The following FN1 variants were observed in gnomAD, a reference collection of about 807,000 sequenced individuals.
FN1 encodes the protein fibronectin.
In FN1, 106 loss-of-function variants were observed where a neutral mutation model predicts 297.3. That is an observed-to-expected ratio of 0.36 (90% CI 0.30 to 0.42). FN1 has a LOEUF of 0.42. Among genes scored for constraint, FN1 ranks in the 10% least tolerant of loss-of-function variants. FN1 has a pLI of 1.00. For synonymous variants in FN1, 1,149 were observed against 1,152.6 expected, an observed-to-expected ratio of 1.00 and a Z score of 0.06; for missense variants, 2,690 against 3,124.9, an observed-to-expected ratio of 0.86 and a Z score of 3.32.
intron 41 of FN1, 141 bp from the exon 42 acceptor site, chr2:215,368,168 A>G (rs185987907): frequency 1.1e-5 from 10 of 923,886 alleles, no homozygotes; most frequent in African/African-American, 4.9e-5. Context: ...CATCTGTTCT[A>G]TCAAGGCATT....
chr2:215,365,634 T>C lies in FN1; in HGVS notation c.7019-4A>G. 1 of 1,613,882 alleles carries C rather than the reference T, an allele frequency of 6.2e-7. No individual in the cohort carries two copies. The highest frequency in any genetic ancestry group is 8.5e-7 in the Non-Finnish European group (1 of 1,179,888). On this transcript the variant is annotated splice_region_variant and splice_polypyrimidine_tract_variant and intron_variant, in intron 42 of 45. Transcript: ENST00000354785. Reference sequence around the variant, plus strand: ...ACACCATTGTCATGGCACCATCCTGTAGGGGTGGGGAAAGTCAGGACCAAA... The same window carrying C: ...ACACCATTGTCATGGCACCATCCTGCAGGGGTGGGGAAAGTCAGGACCAAA...
At position 215,433,422 on chromosome 2, in the gene FN1, T is replaced by A; in HGVS notation, c.317A>T (p.Tyr106Phe). The A allele has an allele frequency of 1.2e-6, 2 of 1,614,134 alleles. No homozygotes were observed. Among genetic ancestry groups the A allele is most frequent in the Non-Finnish European group, 1.7e-6 (2 of 1,180,012 alleles). The change falls in exon 3 of 46, where the codon TAC becomes TTC. Residue 106 changes from tyrosine (Y) to phenylalanine (F), a missense_variant. Tyr to Phe is a conservative substitution (Grantham distance 22). This residue lies in a region of FN1 where 876 missense variants were observed against 1,058.1 expected (regional missense o/e 0.83). Coordinates refer to ENST00000354785, the MANE Select transcript of FN1 (RefSeq NM_212482.4). ...ACGCTCATAAGTGTCACCCACTCGGTAAGTGTTCCCAGTGTACTTGTCAAA... is the reference window on the plus strand; with the variant it reads ...ACGCTCATAAGTGTCACCCACTCGGAAAGTGTTCCCAGTGTACTTGTCAAA... The part of the protein sequence containing the change: ...TCFDKYTGNT[Y>F]RVGDTYERPK...
rs375548740 is a variant in FN1, at chr2:215,420,699, C to T, written c.1649G>A (p.Arg550Gln). Residue 550 changes from arginine (R) to glutamine (Q), a missense_variant, in exon 11 of 46, where the codon CGG (arginine) becomes CAG (glutamine). Arg to Gln is a conservative substitution (Grantham distance 43, BLOSUM62 1). This residue lies in a region of FN1 where 876 missense variants were observed against 1,058.1 expected (regional missense o/e 0.83). Transcript: ENST00000354785. ...MLNCTCFGQGRGRWKCDPVDQ... is the reference protein window; with the variant it reads ...MLNCTCFGQGQGRWKCDPVDQ... ...GACGGGATCACACTTCCACCTGCCC[C>T]GACCCTGACCGAAGCATGTACAGTT... 28 of 1,614,008 alleles carry T rather than the reference C, an allele frequency of 1.7e-5. No individual in the cohort carries two copies. Among genetic ancestry groups the T allele is most frequent in the Admixed American group, 5.0e-5 (3 of 59,992 alleles).
At position 215,378,800 on chromosome 2, in the gene FN1, T is replaced by A. The variant is rs190425521; in HGVS notation, c.5622+330A>T. 1.6e-4 allele frequency among the ~76,000 whole-genome samples: 25 copies of A among 152,260 alleles called. No homozygotes were observed. The East Asian group carries it at 4.4e-3, about 27-fold the overall frequency. Reference sequence around the variant, plus strand: ...AACTGTAAAATATTCTTTACCAAGGTAACAGAGCTCAGAAAATGCATAACT... The same window carrying A: ...AACTGTAAAATATTCTTTACCAAGGAAACAGAGCTCAGAAAATGCATAACT... On this transcript the variant is annotated intron_variant, in intron 34 of 45. Transcript: ENST00000354785.
chr2:215,383,885 C>G (rs1350913008), intron 30 of FN1, 135 bp downstream of exon 30: 2 of 939,848 alleles, frequency 2.1e-6, no homozygotes, highest in East Asian at 5.1e-5. Flanking sequence ...CTGTTCGCTG[C>G]AGGTGCTAGC....
At chr2:215,416,975 C>CA (rs5838515) in intron 12 of FN1, among the ~76,000 whole-genome samples, 137,729 of 152,254 alleles carry the variant, frequency 0.9, 63,259 homozygotes, top group East Asian at 1. Flanking sequence ...GACTGAACAG[C>CA]ATGGAATTTA....
intron 13 of FN1, among the ~76,000 whole-genome samples, chr2:215,411,753 G>A (rs752080867): frequency 6.7e-6 from 1 of 148,900 alleles, no homozygotes; most frequent in African/African-American, 2.5e-5. Context: ...TGCAACCTCC[G>A]CCTTCTGGTT....
At position 215,401,259 on chromosome 2, in the gene FN1, A is replaced by AAAAAAAGAAAGAAAGAAAGAAAGG. The variant is rs2061088518; in HGVS notation, c.3254-1909_3254-1908insCCTTTCTTTCTTTCTTTCTTTTTT. 2.2e-3 allele frequency among the ~76,000 whole-genome samples: 176 copies of AAAAAAAGAAAGAAAGAAAGAAAGG among 81,804 alleles called. 9 individuals are homozygous for AAAAAAAGAAAGAAAGAAAGAAAGG. The highest frequency in any genetic ancestry group is 0.013 in the Middle Eastern group (2 of 150). 53.7% of individuals were successfully genotyped at this position (81,804 alleles called of 152,430 possible). On this transcript the variant is annotated intron_variant, in intron 20 of 45. Coordinates refer to ENST00000354785, the MANE Select transcript of FN1 (RefSeq NM_212482.4). Reference sequence around the variant, plus strand: ...GAAAGAAAGAAAGAAAGGAAGAAAGAAAGGAAGGAAAGGAAAGGAAAGGAA... The same window carrying AAAAAAAGAAAGAAAGAAAGAAAGG: ...GAAAGAAAGAAAGAAAGGAAGAAAGAAAAAAAGAAAGAAAGAAAGAAAGGAAGGAAGGAAAGGAAAGGAAAGGAA...
intron 23 of FN1, 95 bp from the exon 24 acceptor site, chr2:215,394,814 G>T: frequency 2.2e-6 from 2 of 921,384 alleles, no homozygotes; most frequent in South Asian, 1.3e-5. Flanking sequence ...AGGGCGGAAT[G>T]CAGGACTTGG....
chr2:215,429,153 T>C (rs1229030499), intron 5 of FN1, among the ~76,000 whole-genome samples: 3 of 152,232 alleles, frequency 2.0e-5, no homozygotes, highest in African/African-American at 4.8e-5. Context: ...ATCTCTTTCT[T>C]CATTTGTTAT....
Position 215,399,234 on chromosome 2 carries a change from G to C in FN1, c.3348+23C>G, listed in dbSNP as rs55767068. The C allele has an allele frequency of 2.7e-3, 4,115 of 1,552,790 alleles. 9 individuals are homozygous for C. The highest frequency in any genetic ancestry group is 3.3e-3 in the Non-Finnish European group (3,761 of 1,124,226). ...GGACAGCTCAGGGCTGTATCACAGA[G>C]ATTAGGAACATCTGCAGTTTACCTT... On this transcript the variant is annotated intron_variant, in intron 21 of 45. Transcript: ENST00000354785.
chr2:215,391,544 G>A, intron 26 of FN1, 88 bp downstream of exon 26: 1 of 1,158,566 alleles, frequency 8.6e-7, no homozygotes, highest in South Asian at 1.2e-5. Flanking sequence ...CAGCTCTCTT[G>A]CTCTTAGCTC....
intron 2 of FN1, among the ~76,000 whole-genome samples, chr2:215,433,663 T>A (rs1167890474): frequency 2.0e-5 from 3 of 152,252 alleles, no homozygotes; most frequent in Non-Finnish European, 4.4e-5. Flanking sequence ...ATTGTCAAAT[T>A]TTCTGTAAAT....
rs79328281 is a variant in FN1, at chr2:215,409,733, G to A, written c.2129C>T (p.Thr710Ile). The change falls in exon 15 of 46, where the codon ACC becomes ATC. Residue 710 changes from threonine (T) to isoleucine (I), a missense_variant. Thr to Ile is a moderately conservative substitution (Grantham distance 89). This residue lies in a region of FN1 where 876 missense variants were observed against 1,058.1 expected (regional missense o/e 0.83). Coordinates refer to ENST00000354785, the MANE Select transcript of FN1 (RefSeq NM_212482.4). Reference protein sequence around the residue: ...TSTSTPVTSNTVTGETTPFSP... With the variant: ...TSTSTPVTSNIVTGETTPFSP... ...AAAGGGAGTCGTCTCTCCTGTCACGGTGTTGCCTAGAGAGTCACAGAAAGG... is the reference window on the plus strand; with the variant it reads ...AAAGGGAGTCGTCTCTCCTGTCACGATGTTGCCTAGAGAGTCACAGAAAGG... 1.1e-3 allele frequency: 1,756 copies of A among 1,614,106 alleles called. 8 individuals carry two copies. In the African/African-American group the frequency reaches 0.018, roughly 17 times the overall value.
At chr2:215,398,369 A>C (rs1207432687) in intron 21 of FN1, among the ~76,000 whole-genome samples, 1 of 152,240 alleles carries the variant, frequency 6.6e-6, no homozygotes, top group East Asian at 1.9e-4. Flanking sequence ...AATTAGAATA[A>C]CTATGCCCAT....
intron 20 of FN1, among the ~76,000 whole-genome samples, chr2:215,401,573 C>T (rs1334289681): frequency 1.3e-5 from 2 of 152,008 alleles, no homozygotes; most frequent in Non-Finnish European, 1.5e-5. Flanking sequence ...ATTTTGTTCC[C>T]ATTGGGAAAA....
intron 23 of FN1, among the ~76,000 whole-genome samples, 181 bp downstream of exon 23, chr2:215,396,956 C>T (rs1224675324): frequency 2.6e-5 from 4 of 152,184 alleles, no homozygotes; most frequent in East Asian, 3.8e-4. Context: ...TTGAAGTCAA[C>T]GTGCATTAAA....
rs2106137681 is a variant in FN1, at chr2:215,364,872, G to C, written c.7251+7C>G. ...ACTTGTAGGGAGCCTGGCACATCCAGTCTTACCCGCTGGCCTCCAAAGCAT... is the reference window on the plus strand; with the variant it reads ...ACTTGTAGGGAGCCTGGCACATCCACTCTTACCCGCTGGCCTCCAAAGCAT... On this transcript the variant is annotated splice_region_variant and intron_variant, in intron 44 of 45. Transcript: ENST00000354785. The C allele has an allele frequency of 1.3e-6, 2 of 1,544,318 alleles. No homozygotes were observed.
In FN1 at chr2:215,408,168, C is replaced by T. The variant is rs759517916; in HGVS notation, c.2458G>A (p.Asp820Asn). 2 of 1,614,006 alleles carry T rather than the reference C, an allele frequency of 1.2e-6. No individual in the cohort carries two copies. The highest frequency in any genetic ancestry group is 4.5e-5 in the East Asian group (2 of 44,860). The stretch of plus-strand genomic sequence containing the variant: ...ACAATTGAGGTGTCATCAACTTGGT[C>T]CACAGTCGTGTCAGGAGGGGCATCA... ...APDAPPDTTV[D>N]QVDDTSIVVR... The change falls in exon 17 of 46, where the codon GAC becomes AAC. Residue 820 changes from aspartate (D) to asparagine (N), a missense_variant. Asp to Asn is a conservative substitution (Grantham distance 23). Around this residue, in one of 3 missense-constraint regions of FN1, gnomAD observed 876 missense variants for 1,058.1 expected, o/e 0.83. Coordinates refer to ENST00000354785, the MANE Select transcript of FN1 (RefSeq NM_212482.4).
Sources: allele counts gnomAD v4.1 joint callset (sites outside exome capture counted in the v4.1 genomes callset), GRCh38; gene constraint gnomAD v4.1.1; regional missense constraint gnomAD v4.1.1; transcripts MANE v1.5; gene names NCBI Gene and HGNC (gene_info 2026-07-23, HGNC 2026-07-21).